SLCO5A1: variants seen among roughly 807,000 people sequenced by gnomAD.
The protein encoded by SLCO5A1 is solute carrier organic anion transporter family member 5A1.
In SLCO5A1, 39 loss-of-function variants were observed where a neutral mutation model predicts 65.1. That is an observed-to-expected ratio of 0.60 (90% confidence interval 0.46 to 0.78). SLCO5A1 has a LOEUF of 0.78. Among genes scored for constraint, SLCO5A1 ranks in the 30% least tolerant of loss-of-function variants. The pLI is 0.00. For missense variants in SLCO5A1, 1,029 were observed against 1,069.4 expected, an observed-to-expected ratio of 0.96 and a Z score of 0.53; for synonymous variants, 438 against 415.7, an observed-to-expected ratio of 1.05 and a Z score of -0.65.
At chr8:69,722,719 C>T (rs907614123) in intron 5 of SLCO5A1, among the ~76,000 whole-genome samples, 1 of 151,774 alleles carries the variant, frequency 6.6e-6, no homozygotes, top group Admixed American at 6.6e-5. Flanking sequence ...TACACTGTCT[C>T]CTAAAACAAA....
At position 69,670,677 on chromosome 8, in the gene SLCO5A1, G is replaced by A. The variant is rs1212114175; in HGVS notation, c.*2192C>T. 6.6e-6 allele frequency: 1 copy of A among 152,174 alleles called. No individual in the cohort carries two copies. The allele number at this position is 152,174 out of a possible 1,614,324, so 9.4% of individuals were successfully genotyped here. The stretch of plus-strand genomic sequence containing the variant: ...CACCTGATCAGTGATCGCCAAACTG[G>A]ATGACTGTTCATGGCAGCAAAGGGA... On this transcript the variant is annotated 3_prime_UTR_variant, in exon 10 of 10. Coordinates refer to ENST00000260126, the MANE Select transcript of SLCO5A1 (RefSeq NM_030958.3).
At chr8:69,766,354 G>A (rs971903433) in intron 2 of SLCO5A1, among the ~76,000 whole-genome samples, 31 of 152,104 alleles carry the variant, frequency 2.0e-4, no homozygotes, top group Admixed American at 1.3e-4. Context: ...GGGACGTGCC[G>A]ACACATTGGC....
intron 2 of SLCO5A1, among the ~76,000 whole-genome samples, chr8:69,784,718 G>A (rs573080562): frequency 1.3e-5 from 2 of 151,172 alleles, no homozygotes; most frequent in Non-Finnish European, 2.9e-5. Context: ...AAACTGGCAG[G>A]CAGAGGCTAC....
rs751734133 is a variant in SLCO5A1, at chr8:69,673,225, C to A, written c.2191G>T (p.Val731Leu). Reference protein sequence around the residue: ...GVQGSCWEYNVTSFRFVYFGL... With the variant: ...GVQGSCWEYNLTSFRFVYFGL... The stretch of plus-strand genomic sequence containing the variant: ...AAATACACAAAACGAAACGACGTCA[C>A]GTTGTACTCCCAGCAAGAACCCTGC... Residue 731 changes from valine to leucine, a missense_variant, in exon 10 of 10, where the codon GTG (valine) becomes TTG (leucine). Val to Leu is a conservative substitution (Grantham distance 32). Transcript: ENST00000260126. 6.2e-7 allele frequency: 1 copy of A among 1,614,186 alleles called. No homozygotes were observed. The highest frequency in any genetic ancestry group is 1.1e-5 in the South Asian group (1 of 91,086).
rs1294073098 is a variant in SLCO5A1, at chr8:69,670,220, A to G, written c.*2649T>C. On this transcript the variant is annotated 3_prime_UTR_variant, in exon 10 of 10. Coordinates refer to ENST00000260126, the MANE Select transcript of SLCO5A1 (RefSeq NM_030958.3). ...TCCAAAACAAGTAATTTGAAGCCTAAGCTCATGGAGAGTCTTCATTAAAAC... is the reference window on the plus strand; with the variant it reads ...TCCAAAACAAGTAATTTGAAGCCTAGGCTCATGGAGAGTCTTCATTAAAAC... 6.6e-6 allele frequency: 1 copy of G among 152,226 alleles called. No homozygotes were observed. The highest frequency in any genetic ancestry group is 2.4e-5 in the African/African-American group (1 of 41,450). 9.4% of individuals were successfully genotyped at this position (152,226 alleles called of 1,614,324 possible).
intron 7 of SLCO5A1, 95 bp from the exon 8 acceptor site, chr8:69,679,714 T>C: frequency 6.7e-7 from 1 of 1,499,470 alleles, no homozygotes; most frequent in Non-Finnish European, 9.0e-7. Context: ...TACTCTAAAA[T>C]AGCTCAAATA....
At chr8:69,780,877 G>A (rs548739204) in intron 2 of SLCO5A1, among the ~76,000 whole-genome samples, 9 of 152,042 alleles carry the variant, frequency 5.9e-5, no homozygotes, top group South Asian at 2.1e-4. Flanking sequence ...ACATCAGAGC[G>A]GAAAATCTCA....
At chr8:69,833,431 A>G (rs559244593) in intron 1 of SLCO5A1, 2 of 152,316 alleles carry the variant, frequency 1.3e-5, no homozygotes, top group East Asian at 3.9e-4. Context: ...TGCCTTAAAC[A>G]TTGCGTTTGC....
At chr8:69,826,160 C>T (rs1279801729) in intron 2 of SLCO5A1, among the ~76,000 whole-genome samples, 1 of 152,230 alleles carries the variant, frequency 6.6e-6, no homozygotes, top group South Asian at 2.1e-4. Flanking sequence ...TATGTTAGAC[C>T]TAAAACCATA....
intron 5 of SLCO5A1, among the ~76,000 whole-genome samples, chr8:69,710,823 T>C (rs1162486160): frequency 6.6e-6 from 1 of 152,154 alleles, no homozygotes. Flanking sequence ...ATGAAAATGT[T>C]CTTCGGCGCC....
chr8:69,708,953 GA>G (rs1245179751), intron 5 of SLCO5A1, among the ~76,000 whole-genome samples: 2 of 152,138 alleles, frequency 1.3e-5, no homozygotes, highest in African/African-American at 2.4e-5. Context: ...GTTTCAAGGA[GA>G]AAATAGACAA....
At chr8:69,725,107 A>T (rs1283177157) in intron 5 of SLCO5A1, among the ~76,000 whole-genome samples, 5 of 152,190 alleles carry the variant, frequency 3.3e-5, no homozygotes, top group Non-Finnish European at 7.3e-5. Context: ...AACCCTCTAA[A>T]ATGGATACAG....
chr8:69,717,229 G>A (rs1269271718), intron 5 of SLCO5A1, among the ~76,000 whole-genome samples: 3 of 152,132 alleles, frequency 2.0e-5, no homozygotes, highest in Non-Finnish European at 4.4e-5. Context: ...TATAATTTAA[G>A]CTCTTACATT....
intron 5 of SLCO5A1, among the ~76,000 whole-genome samples, chr8:69,728,810 A>G (rs1000537319): frequency 4.0e-5 from 6 of 151,522 alleles, no homozygotes; most frequent in African/African-American, 1.5e-4. Flanking sequence ...GGTAAGTAAT[A>G]ACTGTGATAT....
rs1466952066 is a variant in SLCO5A1 at position 69,671,298 on chromosome 8, G to C, written c.*1571C>G. ...AAGCAAGGTTGGAGAGCAGAAGCCT[G>C]AATCATGGAACAGTCTGTCAATCAC... is the stretch of plus-strand genomic sequence containing the variant. On this transcript the variant is annotated 3_prime_UTR_variant, in exon 10 of 10. Coordinates refer to ENST00000260126, the MANE Select transcript of SLCO5A1 (RefSeq NM_030958.3). 6.6e-6 allele frequency: 1 copy of C among 152,244 alleles called. No homozygotes were observed. Among genetic ancestry groups the C allele is most frequent in the East Asian group, 1.9e-4 (1 of 5,198 alleles). 9.4% of individuals were successfully genotyped at this position (152,244 alleles called of 1,614,324 possible). A position where few individuals can be genotyped will look rare whatever the true frequency, so the allele number is the denominator to read the frequency against.
intron 2 of SLCO5A1, among the ~76,000 whole-genome samples, chr8:69,765,747 T>C (rs1431298275): frequency 6.6e-6 from 1 of 152,094 alleles, no homozygotes; most frequent in Non-Finnish European, 1.5e-5. Flanking sequence ...AAGCCTGTAC[T>C]CCAGGCCCCA....
chr8:69,787,060 C>G (rs113880774), intron 2 of SLCO5A1, among the ~76,000 whole-genome samples: 3,094 of 152,290 alleles, frequency 0.02, 56 homozygotes, highest in Non-Finnish European at 0.026. Flanking sequence ...TGTCCTCATC[C>G]CTTCCCCATG....
chr8:69,735,415 A>G (rs1443044495), intron 5 of SLCO5A1, among the ~76,000 whole-genome samples: 9 of 152,222 alleles, frequency 5.9e-5, no homozygotes, highest in Non-Finnish European at 8.8e-5. Context: ...ACATGGAATC[A>G]ACTCAAATGC....
rs145998867 is a variant in SLCO5A1, at chr8:69,705,163, T to A, written c.1490A>T (p.Lys497Ile). 1 of 1,614,036 alleles carries A rather than the reference T, an allele frequency of 6.2e-7. No individual in the cohort carries two copies. The highest frequency in any genetic ancestry group is 1.3e-5 in the African/African-American group (1 of 74,898). Residue 497 changes from lysine (K) to isoleucine (I), a missense_variant, in exon 6 of 10, where the codon AAA (lysine) becomes ATA (isoleucine). Physicochemically the swap from Lys to Ile is moderately radical, Grantham distance 102. Transcript: ENST00000260126. ...TTTTGCAGATTCTCTGGCACCAAGT[T>A]TCAATTTTTTTATAATGTAGCCTCC... ...VLGGYIIKKL[K>I]LGARESAKLA...
Sources: gnomAD v4.1 joint callset for allele counts (sites outside exome capture counted in the v4.1 genomes callset) on GRCh38, gnomAD v4.1.1 for gene constraint, MANE v1.5 for transcripts, NCBI Gene and HGNC (gene_info 2026-07-23, HGNC 2026-07-21) for gene names.